Variants in PATJ observed in about 807,000 individuals in gnomAD.
The protein encoded by PATJ is inaD-like protein.
In PATJ, 190 loss-of-function variants were observed where a neutral mutation model predicts 224.9. The ratio of observed to expected loss-of-function variants is 0.84; its 90% confidence interval spans 0.75 to 0.95. PATJ has a LOEUF of 0.95. PATJ is among the 40% of genes least tolerant of loss of function. PATJ has a pLI of 0.00. For missense variants in PATJ, 2,121 were observed against 2,270.3 expected (o/e 0.93, Z 1.34); for synonymous variants, 769 against 820.3 (o/e 0.94, Z 1.07).
intron 27 of PATJ, among the ~76,000 whole-genome samples, chr1:61,951,298 C>T (rs187732999): frequency 3.9e-4 from 59 of 151,942 alleles, no homozygotes; most frequent in Admixed American, 1.8e-3. Flanking sequence ...TCAGCTTCAG[C>T]GCTTGATATA....
chr1:61,867,368 T>C (rs1332384120), intron 20 of PATJ, among the ~76,000 whole-genome samples: 1 of 152,192 alleles, frequency 6.6e-6, no homozygotes. Context: ...TCTTTTTATT[T>C]CTCATTACTG....
chr1:61,915,496 A>G (rs1312776254), intron 26 of PATJ, among the ~76,000 whole-genome samples: 1 of 151,998 alleles, frequency 6.6e-6, no homozygotes, highest in Non-Finnish European at 1.5e-5. Context: ...TTTATTTTCC[A>G]TATCCATTTA....
chr1:62,000,726 C>G (rs1351908916), intron 28 of PATJ, among the ~76,000 whole-genome samples: 2 of 150,858 alleles, frequency 1.3e-5, no homozygotes, highest in Non-Finnish European at 2.9e-5. Context: ...AATGGGATGG[C>G]TGGGTCAAAT....
chr1:61,773,028 T>C (rs1306102870), intron 6 of PATJ, among the ~76,000 whole-genome samples: 1 of 152,170 alleles, frequency 6.6e-6, no homozygotes, highest in Non-Finnish European at 1.5e-5. Flanking sequence ...AATCCCAATA[T>C]TGCTTTTTTT....
At chr1:61,980,687 A>G (rs1473671603) in intron 27 of PATJ, among the ~76,000 whole-genome samples, 1 of 152,000 alleles carries the variant, frequency 6.6e-6, no homozygotes, top group Non-Finnish European at 1.5e-5. Context: ...TTCTCACCCC[A>G]TTGGTTGCTG....
At chr1:61,939,676 CTTTTTTTTTTTT>C (rs71050183) in intron 27 of PATJ, among the ~76,000 whole-genome samples, 5 of 58,876 alleles carry the variant, frequency 8.5e-5, no homozygotes, top group East Asian at 8.4e-4. Context: ...TTTCTATGTG[CTTTTTTTTTTTT>C]TTTTTTTTTT....
rs576645387 is a variant in PATJ at position 62,113,948 on chromosome 1, A to T, written c.4462-105A>T. On this transcript the variant is annotated intron_variant, in intron 34 of 43. Coordinates refer to ENST00000642238, the MANE Select transcript of PATJ (RefSeq NM_001350145.3). ...ACCTGTTTGCCTTGAGATTGGCTGG[A>T]AATTTCTAGAGATTCTTTACTGGTT... 143 of 1,172,278 alleles carry T rather than the reference A, an allele frequency of 1.2e-4. No individual in the cohort carries two copies. In the African/African-American group the frequency reaches 2.0e-3, roughly 17 times the overall value. The allele number at this position is 1,172,278 out of a possible 1,614,324, so 72.6% of individuals were successfully genotyped here. A position where few individuals can be genotyped will look rare whatever the true frequency, so the allele number is the denominator to read the frequency against.
At chr1:61,942,307 G>C (rs1452251536) in intron 27 of PATJ, among the ~76,000 whole-genome samples, 2 of 151,998 alleles carry the variant, frequency 1.3e-5, no homozygotes, top group Non-Finnish European at 2.9e-5. Context: ...CTCATAATAA[G>C]AAAACAACTA....
chr1:61,755,059 AC>A (rs1225090442), intron 1 of PATJ, among the ~76,000 whole-genome samples: 2 of 151,970 alleles, frequency 1.3e-5, no homozygotes, highest in African/African-American at 4.8e-5. Context: ...CTGGGGGATT[AC>A]ACTTTGGGAG....
intron 27 of PATJ, among the ~76,000 whole-genome samples, chr1:61,960,866 C>A (rs1427736093): frequency 6.6e-6 from 1 of 151,924 alleles, no homozygotes. Flanking sequence ...ATTTCTGATT[C>A]TTGAGTTCTA....
At chr1:61,900,150 A>G (rs79667219) in intron 23 of PATJ, among the ~76,000 whole-genome samples, 181 of 152,238 alleles carry the variant, frequency 1.2e-3, no homozygotes, top group Non-Finnish European at 2.1e-3. Flanking sequence ...TTAAGTCCTC[A>G]CCAGGGCTGC....
intron 14 of PATJ, among the ~76,000 whole-genome samples, chr1:61,813,413 A>T (rs1655377228): frequency 6.8e-6 from 1 of 146,296 alleles, no homozygotes; most frequent in Admixed American, 6.8e-5. Flanking sequence ...ACACATATAC[A>T]TATTTGTACT....
chr1:61,827,392 C>T (rs760393122), intron 15 of PATJ, 30 bp from the exon 16 acceptor site: 23 of 1,552,052 alleles, frequency 1.5e-5, no homozygotes, highest in Middle Eastern at 1.7e-4. Context: ...GGGGCTGGCT[C>T]AGTTCTGACT....
chr1:61,805,370 G>T lies in PATJ; in HGVS notation c.1550-78G>T, dbSNP rs553109179. 13 of 864,900 alleles carry T rather than the reference G, an allele frequency of 1.5e-5. No individual in the cohort carries two copies. The East Asian group carries it at 1.7e-4, about 11-fold the overall frequency. 53.6% of individuals were successfully genotyped at this position (864,900 alleles called of 1,614,324 possible). A position where few individuals can be genotyped will look rare whatever the true frequency, so the allele number is the denominator to read the frequency against. On this transcript the variant is annotated intron_variant, in intron 12 of 43. Coordinates refer to ENST00000642238, the MANE Select transcript of PATJ (RefSeq NM_001350145.3). Reference sequence around the variant, plus strand: ...TTACTGAAACTGGGCTGTTATTGAAGAATTTAGCAGTTAAGTGTGTTTGGC... The same window carrying T: ...TTACTGAAACTGGGCTGTTATTGAATAATTTAGCAGTTAAGTGTGTTTGGC...
chr1:62,051,054 A>G lies in PATJ; in HGVS notation c.4121A>G (p.Lys1374Arg). The G allele has an allele frequency of 1.2e-6, 2 of 1,606,600 alleles. No homozygotes were observed. Among genetic ancestry groups the G allele is most frequent in the Admixed American group, 1.7e-5 (1 of 60,012 alleles). Residue 1374 changes from lysine to arginine, a missense_variant, in exon 31 of 44, where the codon AAA (lysine) becomes AGA (arginine). Coordinates refer to ENST00000642238, the MANE Select transcript of PATJ (RefSeq NM_001350145.3). The stretch of plus-strand genomic sequence containing the variant: ...CAATTGCCTGAAAGTGAAAGCTTCA[A>G]ACTGGTGAGAATCTTGAGTATTTTT... ...IKQLPESESF[K>R]LAVSQMKQQK...
In PATJ at chr1:62,128,896, C is replaced by G; in HGVS notation, c.5222C>G (p.Ala1741Gly). 3.7e-6 allele frequency: 6 copies of G among 1,613,486 alleles called. No homozygotes were observed. Among genetic ancestry groups the G allele is most frequent in the Non-Finnish European group, 5.1e-6 (6 of 1,179,494 alleles). Residue 1741 changes from alanine (A) to glycine (G), a missense_variant, in exon 41 of 44, where the codon GCG becomes GGG. Ala to Gly is a moderately conservative substitution (Grantham distance 60). Coordinates refer to ENST00000642238, the MANE Select transcript of PATJ (RefSeq NM_001350145.3). Reference sequence around the variant, plus strand: ...CAACCTTTGGATGGGCTGTCTCACGCGGATGTGGTTAATCTGCTGAAGAAC... The same window carrying G: ...CAACCTTTGGATGGGCTGTCTCACGGGGATGTGGTTAATCTGCTGAAGAAC... ...NGQPLDGLSH[A>G]DVVNLLKNAY...
intron 33 of PATJ, among the ~76,000 whole-genome samples, chr1:62,090,165 G>C (rs1032580315): frequency 3.3e-5 from 5 of 152,156 alleles, no homozygotes; most frequent in African/African-American, 9.7e-5. Context: ...TTAAAATGCC[G>C]AGGTAATGAT....
chr1:61,859,315 G>A (rs2148925416), intron 18 of PATJ, among the ~76,000 whole-genome samples: 1 of 152,264 alleles, frequency 6.6e-6, no homozygotes, highest in Non-Finnish European at 1.5e-5. Flanking sequence ...ATTGTGGGTG[G>A]AACTTCACCC....
At chr1:61,821,974 C>T (rs1170005102) in intron 14 of PATJ, among the ~76,000 whole-genome samples, 1 of 152,168 alleles carries the variant, frequency 6.6e-6, no homozygotes, top group Admixed American at 6.5e-5. Flanking sequence ...CGTATCTCAG[C>T]CCATATGAAT....
Sources: gnomAD v4.1 joint callset for allele counts (sites outside exome capture counted in the v4.1 genomes callset) on GRCh38, gnomAD v4.1.1 for gene constraint, MANE v1.5 for transcripts, NCBI Gene and HGNC (gene_info 2026-07-23, HGNC 2026-07-21) for gene names.